Variants in LAMA2 observed in about 807,000 individuals in gnomAD.
LAMA2 encodes the protein laminin subunit alpha-2.
Under a neutral mutation model 364.8 loss-of-function variants are expected in LAMA2, and 269 were observed. The observed-to-expected ratio is 0.74, with a 90% confidence interval of 0.67 to 0.82. The LOEUF (loss-of-function observed/expected upper bound fraction) is 0.82. LAMA2 is among the 40% of genes least tolerant of loss of function. The probability of loss-of-function intolerance (pLI) is 0.00; values close to 1 mark genes in which losing one functional copy is unlikely to be tolerated. For missense variants in LAMA2, 3,807 were observed against 3,873.2 expected, an observed-to-expected ratio of 0.98 and a Z score of 0.45; for synonymous variants, 1,379 against 1,370.6, an observed-to-expected ratio of 1.01 and a Z score of -0.14.
intron 62 of LAMA2, among the ~76,000 whole-genome samples, chr6:129,509,410 A>G (rs1786382498): frequency 6.6e-6 from 1 of 151,996 alleles, no homozygotes; most frequent in African/African-American, 2.4e-5. Context: ...TGTGGGTATT[A>G]CTCAGGAAGT....
chr6:129,184,629 CT>C (rs1187726853), intron 10 of LAMA2, among the ~76,000 whole-genome samples: 1 of 151,890 alleles, frequency 6.6e-6, no homozygotes, highest in Non-Finnish European at 1.5e-5. Flanking sequence ...CTACCTACCC[CT>C]GATGTCTCCT....
At chr6:129,346,629 A>C (rs1776571406) in intron 30 of LAMA2, among the ~76,000 whole-genome samples, 1 of 152,108 alleles carries the variant, frequency 6.6e-6, no homozygotes, top group African/African-American at 2.4e-5. Flanking sequence ...TTCTTTCTTT[A>C]TTCAAGAAAA....
intron 12 of LAMA2, among the ~76,000 whole-genome samples, chr6:129,212,089 G>A (rs1051548377): frequency 2.6e-5 from 4 of 152,120 alleles, no homozygotes; most frequent in Non-Finnish European, 5.9e-5. Context: ...CTGGATTTCC[G>A]AAATATTTTT....
intron 58 of LAMA2, among the ~76,000 whole-genome samples, chr6:129,500,941 G>A (rs181197262): frequency 1.3e-5 from 2 of 152,262 alleles, no homozygotes; most frequent in Admixed American, 1.3e-4. Context: ...TCTCTTTTAA[G>A]CTACATGTAA....
chr6:129,117,555 T>C lies in LAMA2; in HGVS notation c.639+19140T>C, dbSNP rs191923996. 1.3e-3 allele frequency among the ~76,000 whole-genome samples: 204 copies of C among 152,340 alleles called. 1 individual carries two copies. The highest frequency in any genetic ancestry group is 4.7e-3 in the African/African-American group (194 of 41,576). The stretch of plus-strand genomic sequence containing the variant: ...CCGTATTTGTTGCCAGGTAGTCTTC[T>C]GTGTGGTTAAAGTACAGAATGTACT... On this transcript the variant is annotated intron_variant, in intron 4 of 64. Transcript: ENST00000421865.
At chr6:129,512,541 G>C in intron 63 of LAMA2, 48 bp downstream of exon 63, 1 of 1,594,078 alleles carries the variant, frequency 6.3e-7, no homozygotes, top group Non-Finnish European at 8.6e-7. Context: ...TGATATTGTT[G>C]ATGTGTAGAT....
chr6:128,968,475 T>A (rs12199373), intron 1 of LAMA2, among the ~76,000 whole-genome samples: 15,151 of 152,192 alleles, frequency 0.1, 939 homozygotes, highest in East Asian at 0.17. Context: ...TAATTTCATA[T>A]AATGCTAAGG....
At chr6:129,489,091 C>T (rs1395367349) in intron 56 of LAMA2, among the ~76,000 whole-genome samples, 1 of 152,134 alleles carries the variant, frequency 6.6e-6, no homozygotes, top group Non-Finnish European at 1.5e-5. Flanking sequence ...TTTTGTGTGA[C>T]CATAAAGGTT....
chr6:129,051,375 C>T (rs1159659172), intron 2 of LAMA2, among the ~76,000 whole-genome samples: 6 of 149,412 alleles, frequency 4.0e-5, no homozygotes, highest in Admixed American at 6.7e-5. Context: ...TGCAGTGGTG[C>T]GATCTCAGCT....
At chr6:129,486,658 C>T (rs1433161800) in intron 56 of LAMA2, 36 bp downstream of exon 56, 2 of 1,590,952 alleles carry the variant, frequency 1.3e-6, no homozygotes, top group East Asian at 2.2e-5. Context: ...TATTGTAACT[C>T]AGGTGAACTT....
intron 12 of LAMA2, among the ~76,000 whole-genome samples, chr6:129,228,776 A>C (rs556893780): frequency 6.6e-6 from 1 of 152,220 alleles, no homozygotes; most frequent in African/African-American, 2.4e-5. Flanking sequence ...TTAATCTTTC[A>C]TGCACAATAA....
At chr6:129,304,968 A>G (rs1399515224) in intron 22 of LAMA2, among the ~76,000 whole-genome samples, 1 of 152,180 alleles carries the variant, frequency 6.6e-6, no homozygotes, top group African/African-American at 2.4e-5. Context: ...AAACTTCTAT[A>G]TAGGTCAATT....
intron 34 of LAMA2, among the ~76,000 whole-genome samples, chr6:129,372,925 T>C (rs113053579): frequency 0.021 from 3,251 of 152,350 alleles, 118 homozygotes; most frequent in African/African-American, 0.075. Context: ...CATATGCTTA[T>C]TTGCCATCTG....
intron 1 of LAMA2, among the ~76,000 whole-genome samples, chr6:128,985,300 C>A (rs568909738): frequency 1.3e-5 from 2 of 152,224 alleles, no homozygotes; most frequent in African/African-American, 2.4e-5. Context: ...ACACTTCAAA[C>A]CACCATGCAG....
At chr6:129,491,750 C>A in intron 56 of LAMA2, 151 bp from the exon 57 acceptor site, 7 of 680,504 alleles carry the variant, frequency 1.0e-5, no homozygotes, top group Admixed American at 2.2e-5. Flanking sequence ...CTGAGAACAG[C>A]GTTTGCTTAG....
chr6:129,004,796 A>G (rs1275774869), intron 1 of LAMA2, among the ~76,000 whole-genome samples: 2 of 152,182 alleles, frequency 1.3e-5, no homozygotes, highest in Non-Finnish European at 2.9e-5. Context: ...CAAATTATAA[A>G]TACTACTAAT....
intron 34 of LAMA2, among the ~76,000 whole-genome samples, chr6:129,373,846 T>C (rs531962295): frequency 1.3e-5 from 2 of 152,320 alleles, no homozygotes; most frequent in South Asian, 4.1e-4. Flanking sequence ...ATGTGACCAA[T>C]ATGACTTATT....
At chr6:129,468,268 A>G (rs1480907243) in intron 51 of LAMA2, among the ~76,000 whole-genome samples, 1 of 151,778 alleles carries the variant, frequency 6.6e-6, no homozygotes, top group Non-Finnish European at 1.5e-5. Context: ...TGATTCTTAA[A>G]TTAGACTGGG....
At chr6:129,335,458 A>AT (rs199766726) in intron 29 of LAMA2, among the ~76,000 whole-genome samples, 34 of 148,474 alleles carry the variant, frequency 2.3e-4, no homozygotes, top group East Asian at 9.8e-4. Context: ...TATTTCTCCT[A>AT]TTTTTTTTTT....
Sources: allele counts gnomAD v4.1 joint callset (sites outside exome capture counted in the v4.1 genomes callset), GRCh38; gene constraint gnomAD v4.1.1; transcripts MANE v1.5; gene names NCBI Gene and HGNC (gene_info 2026-07-23, HGNC 2026-07-21).